The following SLC31A1 variants were observed in gnomAD, a reference collection of about 807,000 sequenced individuals.
SLC31A1 encodes the protein high affinity copper uptake protein 1.
A neutral mutation model predicts 17.2 loss-of-function variants in SLC31A1; 5 were observed. The ratio of observed to expected loss-of-function variants is 0.29; its 90% confidence interval spans 0.15 to 0.61. The LOEUF is 0.61. Among genes scored for constraint, SLC31A1 ranks in the 20% least tolerant of loss-of-function variants. The pLI is 0.86. For synonymous variants in SLC31A1, 76 were observed against 78.8 expected (o/e 0.96, Z 0.19); for missense variants, 161 against 241.4 (o/e 0.67, Z 2.21).
intron 2 of SLC31A1, among the ~76,000 whole-genome samples, chr9:113,256,860 C>CAAA (rs10705989): frequency 2.0e-5 from 2 of 102,544 alleles, no homozygotes; most frequent in East Asian, 2.6e-4. Context: ...GAATCCGTAT[C>CAAA]AAAAAAAAAA....
intron 1 of SLC31A1, among the ~76,000 whole-genome samples, chr9:113,238,253 C>T (rs1247950435): frequency 3.9e-5 from 6 of 152,068 alleles, no homozygotes; most frequent in Non-Finnish European, 7.3e-5. Flanking sequence ...GGCATTGAGT[C>T]GGTAGAGGTC....
chr9:113,248,029 A>G (rs1009184453), intron 1 of SLC31A1, among the ~76,000 whole-genome samples: 2 of 152,168 alleles, frequency 1.3e-5, no homozygotes, highest in Non-Finnish European at 2.9e-5. Flanking sequence ...TTAATGATCC[A>G]AGAAGATGGC....
At chr9:113,242,509 C>T (rs1339595197) in intron 1 of SLC31A1, among the ~76,000 whole-genome samples, 1 of 152,086 alleles carries the variant, frequency 6.6e-6, no homozygotes, top group African/African-American at 2.4e-5. Flanking sequence ...TAAAGCAATC[C>T]TCCCACTTCA....
At chr9:113,253,477 T>G (rs552273000) in intron 1 of SLC31A1, among the ~76,000 whole-genome samples, 87 of 152,250 alleles carry the variant, frequency 5.7e-4, no homozygotes, top group African/African-American at 1.9e-3. Context: ...AGACTCTGTT[T>G]TATATCTTTT....
chr9:113,249,869 A>T (rs1387813704), intron 1 of SLC31A1, among the ~76,000 whole-genome samples: 1 of 152,116 alleles, frequency 6.6e-6, no homozygotes, highest in Admixed American at 6.5e-5. Context: ...TGGGCAAAGG[A>T]CATGAACAGA....
intron 1 of SLC31A1, among the ~76,000 whole-genome samples, chr9:113,242,614 A>G (rs764487497): frequency 6.6e-5 from 10 of 152,126 alleles, no homozygotes; most frequent in Non-Finnish European, 1.2e-4. Flanking sequence ...TGTATTTCCC[A>G]GGCTGGTCTC....
rs972150413 is a variant in SLC31A1 at position 113,256,021 on chromosome 9, G to T, written c.-35-93G>T. 9 of 950,922 alleles carry T rather than the reference G, an allele frequency of 9.5e-6. No homozygotes were observed. The African/African-American group carries it at 1.3e-4, about 14-fold the overall frequency. The allele number at this position is 950,922 out of a possible 1,614,324, so 58.9% of individuals were successfully genotyped here. ...TGAATAGCCATTGCATTCCAGCCTG[G>T]GCAACATAGCAAGATTCCATCTCTA... On this transcript the variant is annotated intron_variant, in intron 1 of 4. Transcript: ENST00000374212.
At chr9:113,242,401 T>TTTTTG (rs761173146) in intron 1 of SLC31A1, among the ~76,000 whole-genome samples, 21 of 152,144 alleles carry the variant, frequency 1.4e-4, no homozygotes, top group Admixed American at 9.8e-4. Flanking sequence ...GGTTGGGTTC[T>TTTTTG]TTTTGTTTTG....
At chr9:113,251,854 T>C (rs1361805882) in intron 1 of SLC31A1, among the ~76,000 whole-genome samples, 1 of 152,226 alleles carries the variant, frequency 6.6e-6, no homozygotes, top group Non-Finnish European at 1.5e-5. Flanking sequence ...TGGTTTGTGT[T>C]TGAGCCTACA....
intron 1 of SLC31A1, among the ~76,000 whole-genome samples, chr9:113,251,892 G>A (rs1193119688): frequency 6.6e-6 from 1 of 152,074 alleles, no homozygotes; most frequent in Non-Finnish European, 1.5e-5. Context: ...AATCTCCACC[G>A]GCTTTGTATC....
At chr9:113,226,484 TC>T (rs1024117255) in intron 1 of SLC31A1, among the ~76,000 whole-genome samples, 3 of 152,152 alleles carry the variant, frequency 2.0e-5, no homozygotes, top group Non-Finnish European at 4.4e-5. Flanking sequence ...CTTTTGAAGT[TC>T]CATTGCTTTG....
intron 1 of SLC31A1, among the ~76,000 whole-genome samples, chr9:113,254,665 G>A (rs1173372562): frequency 2.0e-5 from 3 of 152,076 alleles, no homozygotes; most frequent in Admixed American, 1.3e-4. Flanking sequence ...TTGGGAGGCC[G>A]AGTTGGACAG....
At chr9:113,252,119 T>C (rs999626435) in intron 1 of SLC31A1, among the ~76,000 whole-genome samples, 1 of 152,222 alleles carries the variant, frequency 6.6e-6, no homozygotes, top group Non-Finnish European at 1.5e-5. Flanking sequence ...GTCACTGATA[T>C]GTCTGAAGAG....
chr9:113,247,211 G>T (rs573870615), intron 1 of SLC31A1, among the ~76,000 whole-genome samples: 1 of 152,176 alleles, frequency 6.6e-6, no homozygotes, highest in East Asian at 1.9e-4. Flanking sequence ...AAACTAGATA[G>T]ATTTCTCTTT....
chr9:113,239,728 C>T (rs1831500393), intron 1 of SLC31A1, among the ~76,000 whole-genome samples: 1 of 152,212 alleles, frequency 6.6e-6, no homozygotes. Context: ...GGAGTACAGG[C>T]ATGCGCCACC....
intron 1 of SLC31A1, among the ~76,000 whole-genome samples, chr9:113,243,051 G>A (rs747849498): frequency 2.0e-5 from 3 of 151,350 alleles, no homozygotes; most frequent in Admixed American, 6.6e-5. Flanking sequence ...GCCTCCCAAG[G>A]GCTTTGTGTT....
chr9:113,226,450 A>G (rs145088297), intron 1 of SLC31A1, among the ~76,000 whole-genome samples: 349 of 152,298 alleles, frequency 2.3e-3, no homozygotes, highest in African/African-American at 7.9e-3. Context: ...AAGAAATCTT[A>G]TAGTAGGGCC....
chr9:113,230,639 A>G (rs1831392166), intron 1 of SLC31A1, among the ~76,000 whole-genome samples: 1 of 152,252 alleles, frequency 6.6e-6, no homozygotes, highest in Non-Finnish European at 1.5e-5. Flanking sequence ...TATAAATTGC[A>G]TAATGATCAA....
rs1283440931 is a variant in SLC31A1, at chr9:113,263,204, T to C, written c.*2731T>C. ...CCAGTTAAGACAAAATGCTATGACT[T>C]TGAAATTCACAGAAAGAAATAACAG... On this transcript the variant is annotated 3_prime_UTR_variant, in exon 5 of 5. Transcript: ENST00000374212. 6.6e-6 allele frequency: 1 copy of C among 152,152 alleles called. No homozygotes were observed. The allele number at this position is 152,152 out of a possible 1,614,324, so 9.4% of individuals were successfully genotyped here.
Sources: gnomAD v4.1 joint callset for allele counts (sites outside exome capture counted in the v4.1 genomes callset) on GRCh38, gnomAD v4.1.1 for gene constraint, MANE v1.5 for transcripts, NCBI Gene and HGNC (gene_info 2026-07-23, HGNC 2026-07-21) for gene names.